PPP3CB: variants seen among roughly 807,000 people sequenced by gnomAD.
PPP3CB encodes serine/threonine-protein phosphatase 2B catalytic subunit beta isoform.
PPP3CB carries 8 observed loss-of-function variants against 66.4 expected under a neutral mutation model. The observed-to-expected ratio is 0.12, with a 90% CI of 0.07 to 0.22. The LOEUF (loss-of-function observed/expected upper bound fraction) is 0.22. Ranked by LOEUF, PPP3CB falls within the 10% of genes least tolerant of loss-of-function variation. PPP3CB has a pLI of 1.00. For synonymous variants in PPP3CB, 208 were observed against 221.2 expected (o/e 0.94, Z 0.53); for missense variants, 319 against 642.5 (o/e 0.50, Z 5.44).
chr10:73,485,385 G>A (rs1285399341), intron 1 of PPP3CB, among the ~76,000 whole-genome samples: 7 of 152,144 alleles, frequency 4.6e-5, no homozygotes, highest in Non-Finnish European at 5.9e-5. Flanking sequence ...CACTGGGCAA[G>A]GAAACCTGAG....
chr10:73,494,228 T>C (rs1265672310), intron 1 of PPP3CB, among the ~76,000 whole-genome samples: 4 of 152,202 alleles, frequency 2.6e-5, no homozygotes, highest in African/African-American at 7.2e-5. Flanking sequence ...TTCCAATGCC[T>C]GGCCCAACTG....
intron 1 of PPP3CB, among the ~76,000 whole-genome samples, chr10:73,494,218 T>A (rs2057129854): frequency 2.0e-5 from 3 of 152,324 alleles, no homozygotes; most frequent in African/African-American, 7.2e-5. Context: ...ATTCAGCTCA[T>A]TCCAATGCCT....
intron 9 of PPP3CB, among the ~76,000 whole-genome samples, chr10:73,454,797 C>A (rs1439510448): frequency 6.7e-6 from 1 of 149,946 alleles, no homozygotes; most frequent in Non-Finnish European, 1.5e-5. Context: ...CATTTCAAAT[C>A]TTCATTCATG....
In PPP3CB at chr10:73,438,187, CG is replaced by C; in HGVS notation, c.*54del. ...AGCTTGGCCGACCCCTCCAGCTCCT[CG>C]GGTGATCTGTCCATTTGGGGCCCGA... On this transcript the variant is annotated 3_prime_UTR_variant, in exon 14 of 14. Transcript: ENST00000360663. The C allele has an allele frequency of 6.5e-7, 1 of 1,546,172 alleles. No individual in the cohort carries two copies. The highest frequency in any genetic ancestry group is 2.3e-5 in the East Asian group (1 of 43,834).
intron 13 of PPP3CB, 99 bp downstream of exon 13, chr10:73,439,773 G>T: frequency 7.5e-7 from 1 of 1,331,158 alleles, no homozygotes; most frequent in Non-Finnish European, 1.1e-6. Flanking sequence ...GATTCATCTT[G>T]GGCTGTAAAA....
At chr10:73,439,744 T>TTGATGAATCAGTGAG (rs2056116767) in intron 13 of PPP3CB, 128 bp downstream of exon 13, 2 of 1,021,062 alleles carry the variant, frequency 2.0e-6, no homozygotes, top group Non-Finnish European at 2.9e-6. Context: ...GCTTCTAAAC[T>TTGATGAATCAGTGAG]TGATGAATCA....
intron 3 of PPP3CB, among the ~76,000 whole-genome samples, chr10:73,478,226 T>C (rs371251206): frequency 6.6e-6 from 1 of 152,198 alleles, no homozygotes; most frequent in Non-Finnish European, 1.5e-5. Context: ...TTAAGGCCAC[T>C]AGTTAACAGG....
At chr10:73,488,720 GT>G (rs1484970306) in intron 1 of PPP3CB, among the ~76,000 whole-genome samples, 1 of 152,142 alleles carries the variant, frequency 6.6e-6, no homozygotes, top group Non-Finnish European at 1.5e-5. Flanking sequence ...ATTTGTGGTG[GT>G]TTTTAAATAT....
rs1185730446 is a variant in PPP3CB at position 73,436,809 on chromosome 10, AG to A, written c.*1432del. 1.3e-5 allele frequency: 2 copies of A among 152,258 alleles called. No homozygotes were observed. Among genetic ancestry groups the A allele is most frequent in the African/African-American group, 4.8e-5 (2 of 41,452 alleles). 9.4% of individuals were successfully genotyped at this position (152,258 alleles called of 1,614,324 possible). A position where few individuals can be genotyped will look rare whatever the true frequency, so the allele number is the denominator to read the frequency against. Reference sequence around the variant, plus strand: ...AAATAAAACCCAACACAGAGATAGGAGCAGCGGCCCATGCATGGAATTTATT... The same window carrying A: ...AAATAAAACCCAACACAGAGATAGGACAGCGGCCCATGCATGGAATTTATT... On this transcript the variant is annotated 3_prime_UTR_variant, in exon 14 of 14. Transcript: ENST00000360663.
intron 1 of PPP3CB, among the ~76,000 whole-genome samples, chr10:73,491,940 C>T (rs952138586): frequency 1.3e-5 from 2 of 151,918 alleles, no homozygotes; most frequent in Middle Eastern, 3.4e-3. Flanking sequence ...GCACTCCAGT[C>T]TAGGCAAGAA....
chr10:73,444,677 G>C, intron 12 of PPP3CB, 48 bp downstream of exon 12: 1 of 1,612,252 alleles, frequency 6.2e-7, no homozygotes, highest in African/African-American at 1.3e-5. Flanking sequence ...AAAGAGTGAG[G>C]TGTGCCCCAG....
intron 13 of PPP3CB, 43 bp from the exon 14 acceptor site, chr10:73,438,463 T>C (rs867079286): frequency 3.2e-5 from 48 of 1,487,702 alleles, no homozygotes; most frequent in Middle Eastern, 1.7e-4. Flanking sequence ...TTGAAAAACA[T>C]TTCTGAGATT....
At chr10:73,487,750 C>T in intron 1 of PPP3CB, among the ~76,000 whole-genome samples, 1 of 151,456 alleles carries the variant, frequency 6.6e-6, no homozygotes, top group Non-Finnish European at 1.5e-5. Context: ...ACATGATTCC[C>T]AGGGACATCC....
intron 11 of PPP3CB, among the ~76,000 whole-genome samples, chr10:73,446,261 G>A (rs781075838): frequency 2.2e-4 from 33 of 151,768 alleles, no homozygotes; most frequent in African/African-American, 6.5e-4. Context: ...CACCACGCCC[G>A]GCTAATTTTT....
chr10:73,467,259 C>T (rs1564559442), intron 9 of PPP3CB: 1 of 170,946 alleles, frequency 5.8e-6, no homozygotes, highest in Non-Finnish European at 1.2e-5. Flanking sequence ...ATCTCTCCAC[C>T]CCTTCATAAA....
intron 1 of PPP3CB, 57 bp downstream of exon 1, chr10:73,495,748 C>A: frequency 6.5e-7 from 1 of 1,542,712 alleles, no homozygotes; most frequent in Non-Finnish European, 8.8e-7. Flanking sequence ...CTCCCGCCCG[C>A]CCTCACACAC....
intron 3 of PPP3CB, 98 bp downstream of exon 3, chr10:73,478,401 A>T (rs1374351461): frequency 8.1e-6 from 9 of 1,110,652 alleles, no homozygotes; most frequent in Non-Finnish European, 1.1e-5. Flanking sequence ...CAGAGTTATT[A>T]AAAAAACCTA....
At chr10:73,471,686 AG>A (rs2056704116) in intron 4 of PPP3CB, 73 bp from the exon 5 acceptor site, 8 of 1,202,344 alleles carry the variant, frequency 6.7e-6, no homozygotes, top group Non-Finnish European at 8.1e-6. Flanking sequence ...CATATATATT[AG>A]ATTTTTATTT....
At chr10:73,463,836 T>C (rs979334278) in intron 9 of PPP3CB, among the ~76,000 whole-genome samples, 5 of 151,968 alleles carry the variant, frequency 3.3e-5, no homozygotes, top group African/African-American at 1.2e-4. Context: ...AGGGTTTCAC[T>C]GCGTTAGCCA....
Sources: allele counts gnomAD v4.1 joint callset (sites outside exome capture counted in the v4.1 genomes callset), GRCh38; gene constraint gnomAD v4.1.1; transcripts MANE v1.5; gene names NCBI Gene and HGNC (gene_info 2026-07-23, HGNC 2026-07-21).